The following RGS3 variants were observed in gnomAD, a reference collection of about 807,000 sequenced individuals.
RGS3 encodes regulator of G protein signaling 3.
A neutral mutation model predicts 132.6 loss-of-function variants in RGS3; 80 were observed. The observed-to-expected ratio is 0.60, with a 90% CI of 0.50 to 0.73. RGS3 has a LOEUF of 0.73. RGS3 is among the 30% of genes least tolerant of loss of function. RGS3 has a pLI of 0.00. For missense variants in RGS3, 1,382 were observed against 1,530.8 expected, an observed-to-expected ratio of 0.90 and a Z score of 1.62; for synonymous variants, 598 against 620.6, an observed-to-expected ratio of 0.96 and a Z score of 0.54.
intron 19 of RGS3, among the ~76,000 whole-genome samples, chr9:113,546,442 T>C (rs1201326837): frequency 1.3e-5 from 2 of 152,240 alleles, no homozygotes; most frequent in East Asian, 1.9e-4. Context: ...TTTGATTCTA[T>C]TGTTGTCCGG....
chr9:113,501,513 G>C lies in RGS3; in HGVS notation c.897+3433G>C, dbSNP rs905239067. 7.8e-6 allele frequency: 12 copies of C among 1,532,672 alleles called. No homozygotes were observed. In the African/African-American group the frequency reaches 1.4e-4, roughly 17 times the overall value. 94.9% of individuals were successfully genotyped at this position (1,532,672 alleles called of 1,614,324 possible). On this transcript the variant is annotated intron_variant, in intron 10 of 24. Coordinates refer to ENST00000350696, the Ensembl canonical transcript of RGS3. ...ATGCCAGGCTGACGGGTCCAGTGCG[G>C]GCTCCCGCTGCTGGGGGAGAGCTGG... is the stretch of plus-strand genomic sequence containing the variant.
rs545515062 is a variant in RGS3, at chr9:113,543,523, G to C, written c.2037+6605G>C. On this transcript the variant is annotated intron_variant, in intron 19 of 24. Coordinates refer to ENST00000350696, the Ensembl canonical transcript of RGS3. ...CTGTCTGCCAGGGCTCAGCCCGCGG[G>C]GGGGATTTGTGAGAGGCTGAGCAGC... Among the ~76,000 whole-genome samples, 251 of 152,310 alleles carry C rather than the reference G, an allele frequency of 1.6e-3. 2 individuals carry two copies. The highest frequency in any genetic ancestry group is 5.5e-3 in the African/African-American group (230 of 41,574).
At chr9:113,596,735 CA>C in intron 24 of RGS3, 32 bp from the exon 23 acceptor site, 1 of 1,574,280 alleles carries the variant, frequency 6.4e-7, no homozygotes, top group East Asian at 2.2e-5. Flanking sequence ...CCCCAGCAGG[CA>C]GCCCTGACCA....
rs757849205 is a variant in RGS3 at position 113,484,103 on chromosome 9, A to G, written c.526-35A>G. On this transcript the variant is annotated intron_variant, in intron 5 of 24. Coordinates refer to ENST00000350696, the Ensembl canonical transcript of RGS3. ...CTGCTGGGCTTAGGTGGGCCATGAG[A>G]TCCGCTAATCATGCTTCCTTTTTTC... 3.0e-6 allele frequency: 4 copies of G among 1,318,832 alleles called. No individual in the cohort carries two copies. The African/African-American group carries it at 5.8e-5, about 19-fold the overall frequency. 81.7% of individuals were successfully genotyped at this position (1,318,832 alleles called of 1,614,324 possible). A position where few individuals can be genotyped will look rare whatever the true frequency, so the allele number is the denominator to read the frequency against.
intron 14 of RGS3, 96 bp downstream of exon 12, chr9:113,508,676 T>C: frequency 8.0e-7 from 1 of 1,248,618 alleles, no homozygotes; most frequent in East Asian, 2.3e-5. Context: ...TTCTGAGGCC[T>C]TTCCAATGGA....
At chr9:113,572,178 C>T (rs72763827) in intron 19 of RGS3, among the ~76,000 whole-genome samples, 13,097 of 151,790 alleles carry the variant, frequency 0.086, 644 homozygotes, top group Non-Finnish European at 0.097. Context: ...TTGGCGGGGG[C>T]AGAACACACA....
At chr9:113,545,311 G>A (rs973997275) in intron 19 of RGS3, among the ~76,000 whole-genome samples, 22 of 152,202 alleles carry the variant, frequency 1.4e-4, no homozygotes, top group African/African-American at 5.3e-4. Context: ...GCACAGAGAG[G>A]GCCTGCCCAT....
intron 1 of RGS3, among the ~76,000 whole-genome samples, chr9:113,447,327 A>ATATATATATATATATG (rs1484683848): frequency 1.4e-5 from 1 of 72,626 alleles, no homozygotes; most frequent in African/African-American, 4.8e-5. Context: ...ATGTATGTAT[A>ATATATATATATATATG]TGTATATATA....
intron 10 of RGS3, among the ~76,000 whole-genome samples, chr9:113,502,205 A>G (rs1204390747): frequency 6.6e-6 from 1 of 152,182 alleles, no homozygotes; most frequent in African/African-American, 2.4e-5. Context: ...AGACTGGGCC[A>G]TTATGATCCC....
chr9:113,528,056 T>C (rs947035876), intron 17 of RGS3, among the ~76,000 whole-genome samples: 2 of 152,016 alleles, frequency 1.3e-5, no homozygotes, highest in Admixed American at 6.6e-5. Context: ...TTCTCAAGAG[T>C]CTTGGGTGAA....
chr9:113,583,997 A>G (rs770271426), exon 20 of RGS3: 3 of 1,614,130 alleles, frequency 1.9e-6, no homozygotes, highest in Admixed American at 3.3e-5. Context: ...GTCCGGCTGG[A>G]TAGCACCTAC....
chr9:113,509,277 T>G (rs1215955991), intron 14 of RGS3, among the ~76,000 whole-genome samples: 1 of 150,716 alleles, frequency 6.6e-6, no homozygotes, highest in Non-Finnish European at 1.5e-5. Flanking sequence ...AGAGCGAGAC[T>G]CTGTCTAAAA....
At chr9:113,505,735 A>G (rs1382499102) in intron 11 of RGS3, among the ~76,000 whole-genome samples, 1 of 152,242 alleles carries the variant, frequency 6.6e-6, no homozygotes, top group Admixed American at 6.5e-5. Context: ...ATCAAAATGA[A>G]AATAGGTTTT....
chr9:113,514,606 C>T (rs1165545184), exon 15 of RGS3: 1 of 1,614,056 alleles, frequency 6.2e-7, no homozygotes, highest in East Asian at 2.2e-5. Flanking sequence ...GCTATGGCAC[C>T]TACGTCACCC....
At chr9:113,522,592 T>G in intron 16 of RGS3, 1 of 253,870 alleles carries the variant, frequency 3.9e-6, no homozygotes, top group Non-Finnish European at 7.7e-6. Context: ...TCCAGGAGCA[T>G]TTGGTCAGAG....
chr9:113,454,414 C>A (rs1284880478), intron 1 of RGS3, among the ~76,000 whole-genome samples: 2 of 151,918 alleles, frequency 1.3e-5, no homozygotes, highest in African/African-American at 4.8e-5. Flanking sequence ...TTGAGACCAG[C>A]CTGGCCAACA....
intron 6 of RGS3, among the ~76,000 whole-genome samples, chr9:113,484,612 C>G (rs757759186): frequency 1.3e-5 from 2 of 152,202 alleles, no homozygotes; most frequent in Non-Finnish European, 2.9e-5. Context: ...CCCTGCCCCC[C>G]TTTTTACTTC....
intron 20 of RGS3, among the ~76,000 whole-genome samples, chr9:113,589,530 A>G (rs1049094093): frequency 9.9e-5 from 15 of 152,172 alleles, no homozygotes; most frequent in Admixed American, 8.5e-4. Flanking sequence ...GAGGCTGAGG[A>G]TGGCGGCTGG....
At chr9:113,472,994 T>C (rs1829881456) in intron 3 of RGS3, among the ~76,000 whole-genome samples, 1 of 152,166 alleles carries the variant, frequency 6.6e-6, no homozygotes, top group African/African-American at 2.4e-5. Context: ...TGAGCTGAGA[T>C]CATGTCATTG....
Sources: allele counts gnomAD v4.1 joint callset (sites outside exome capture counted in the v4.1 genomes callset), GRCh38; gene constraint gnomAD v4.1.1; transcripts MANE v1.5; gene names NCBI Gene and HGNC (gene_info 2026-07-23, HGNC 2026-07-21).